HERPUD2: variants seen among roughly 807,000 people sequenced by gnomAD.
The protein encoded by HERPUD2 is HERPUD family member 2.
Under a neutral mutation model 49.9 loss-of-function variants are expected in HERPUD2, and 13 were observed. The observed-to-expected ratio is 0.26, with a 90% CI of 0.17 to 0.41. HERPUD2 has a LOEUF of 0.41. Among genes scored for constraint, HERPUD2 ranks in the 10% least tolerant of loss-of-function variants. The pLI is 1.00. For synonymous variants in HERPUD2, 172 were observed against 171.4 expected (o/e 1.00, Z -0.03); for missense variants, 449 against 492.2 (o/e 0.91, Z 0.83).
chr7:35,680,224 T>C (rs1014360797), intron 2 of HERPUD2, among the ~76,000 whole-genome samples: 9 of 151,834 alleles, frequency 5.9e-5, no homozygotes, highest in Non-Finnish European at 1.0e-4. Flanking sequence ...CTGGGCAACA[T>C]AGCAAGACTC....
At chr7:35,692,649 T>G (rs1450411367) in intron 2 of HERPUD2, among the ~76,000 whole-genome samples, 1 of 152,238 alleles carries the variant, frequency 6.6e-6, no homozygotes, top group African/African-American at 2.4e-5. Flanking sequence ...AGGGTTTTTT[T>G]TCCCTCCTAC....
At chr7:35,638,698 A>C (rs1784914502) in intron 5 of HERPUD2, among the ~76,000 whole-genome samples, 1 of 152,242 alleles carries the variant, frequency 6.6e-6, no homozygotes, top group Non-Finnish European at 1.5e-5. Flanking sequence ...CCAGTTTTAA[A>C]GGGAAAACAA....
At chr7:35,672,207 G>A (rs1482881335) in intron 3 of HERPUD2, among the ~76,000 whole-genome samples, 1 of 150,542 alleles carries the variant, frequency 6.6e-6, no homozygotes, top group East Asian at 1.9e-4. Context: ...GAATGTAAGA[G>A]AAATTGCTGT....
chr7:35,672,201 G>T (rs1211849167), intron 3 of HERPUD2, among the ~76,000 whole-genome samples: 1 of 151,320 alleles, frequency 6.6e-6, no homozygotes, highest in Non-Finnish European at 1.5e-5. Flanking sequence ...GTCAGAGAAT[G>T]TAAGAGAAAT....
intron 2 of HERPUD2, among the ~76,000 whole-genome samples, chr7:35,687,983 T>C (rs1243370342): frequency 6.6e-6 from 1 of 152,176 alleles, no homozygotes; most frequent in Non-Finnish European, 1.5e-5. Flanking sequence ...TTTAAAAATA[T>C]TAATTAAAAA....
In HERPUD2 at chr7:35,694,237, A is replaced by G; in HGVS notation, c.94T>C (p.Trp32Arg). 2 of 1,614,130 alleles carry G rather than the reference A, an allele frequency of 1.2e-6. No individual in the cohort carries two copies. The highest frequency in any genetic ancestry group is 1.7e-6 in the Non-Finnish European group (2 of 1,180,014). Residue 32 changes from tryptophan to arginine, a missense_variant, in exon 2 of 9, where the codon TGG becomes CGG. Coordinates refer to ENST00000311350, the MANE Select transcript of HERPUD2 (RefSeq NM_022373.5). ...TGCGTTTTTAGTTTCCCCACGGTCC[A>G]GTTCAAGAAGCAGCTAATAGTCTGG... The part of the protein sequence containing the change: ...SDQTISCFLN[W>R]TVGKLKTHLS...
At chr7:35,676,435 C>T (rs1785763191) in intron 2 of HERPUD2, among the ~76,000 whole-genome samples, 2 of 152,178 alleles carry the variant, frequency 1.3e-5, no homozygotes, top group South Asian at 4.1e-4. Flanking sequence ...GTGGCTCCTG[C>T]ATCACTTTAA....
chr7:35,635,731 C>T (rs916237736), intron 6 of HERPUD2, among the ~76,000 whole-genome samples: 7 of 152,274 alleles, frequency 4.6e-5, no homozygotes, highest in Admixed American at 3.9e-4. Flanking sequence ...ATGTTAACCA[C>T]TCCTCTCTCT....
chr7:35,650,795 G>C (rs1457785538), intron 5 of HERPUD2, among the ~76,000 whole-genome samples: 1 of 152,106 alleles, frequency 6.6e-6, no homozygotes, highest in Non-Finnish European at 1.5e-5. Flanking sequence ...AGCCCTCCCA[G>C]TAACAGGCTG....
intron 2 of HERPUD2, among the ~76,000 whole-genome samples, chr7:35,674,602 G>C (rs927251935): frequency 6.6e-6 from 1 of 151,724 alleles, no homozygotes; most frequent in Non-Finnish European, 1.5e-5. Context: ...GTGGCTGGGG[G>C]ACCCTACAAT....
At chr7:35,650,609 G>T (rs922770083) in intron 5 of HERPUD2, among the ~76,000 whole-genome samples, 14 of 152,112 alleles carry the variant, frequency 9.2e-5, no homozygotes, top group Non-Finnish European at 2.1e-4. Flanking sequence ...GTGCATGAGG[G>T]ATAACTGATG....
rs150300746 is a variant in HERPUD2, at chr7:35,665,978, G to A, written c.494+1456C>T. 2.8e-3 allele frequency among the ~76,000 whole-genome samples: 421 copies of A among 152,288 alleles called. 1 individual carries two copies. Among genetic ancestry groups the A allele is most frequent in the African/African-American group, 9.9e-3 (410 of 41,556 alleles). ...TTATCCAGAGATAACCACTATTAAT[G>A]TGGCACTATATATTTTTCCAGGCTT... On this transcript the variant is annotated intron_variant, in intron 5 of 8. Coordinates refer to ENST00000311350, the MANE Select transcript of HERPUD2 (RefSeq NM_022373.5).
chr7:35,648,036 C>A (rs1291499830), intron 5 of HERPUD2, among the ~76,000 whole-genome samples: 3 of 152,110 alleles, frequency 2.0e-5, no homozygotes, highest in Admixed American at 6.5e-5. Context: ...CAGATTAAAA[C>A]AAGGACATTC....
Position 35,670,202 on chromosome 7 carries a change from C to T in HERPUD2, c.339+13G>A, listed in dbSNP as rs914654094. 7.1e-7 allele frequency: 1 copy of T among 1,399,574 alleles called. No homozygotes were observed. 86.7% of individuals were successfully genotyped at this position (1,399,574 alleles called of 1,614,324 possible). On this transcript the variant is annotated intron_variant, in intron 4 of 8. Transcript: ENST00000311350. ...AGAAAAGTTCAATGTTTACTCCTCC[C>T]AAAACAACTCACAGAATTGCTGCTG...
intron 2 of HERPUD2, among the ~76,000 whole-genome samples, chr7:35,689,457 A>G (rs2116052932): frequency 6.6e-6 from 1 of 152,312 alleles, no homozygotes; most frequent in Non-Finnish European, 1.5e-5. Context: ...AAACAAGTAG[A>G]CTTTTTAAAA....
intron 3 of HERPUD2, among the ~76,000 whole-genome samples, chr7:35,671,214 G>C (rs187130963): frequency 6.6e-6 from 1 of 151,994 alleles, no homozygotes; most frequent in East Asian, 1.9e-4. Flanking sequence ...TCCAAGAAAG[G>C]GTACAACAGG....
chr7:35,637,048 G>A (rs1450496752), intron 6 of HERPUD2, among the ~76,000 whole-genome samples: 11 of 151,992 alleles, frequency 7.2e-5, no homozygotes, highest in Non-Finnish European at 1.3e-4. Context: ...CACAAGAATC[G>A]CTTGAACCCG....
intron 5 of HERPUD2, among the ~76,000 whole-genome samples, chr7:35,646,564 T>TA (rs1785057458): frequency 6.6e-6 from 1 of 152,024 alleles, no homozygotes; most frequent in Non-Finnish European, 1.5e-5. Context: ...TCCATCTATT[T>TA]AAAAAAAGAA....
At chr7:35,638,324 T>TA (rs1310120007) in intron 6 of HERPUD2, 26 bp downstream of exon 6, 1 of 1,561,702 alleles carries the variant, frequency 6.4e-7, no homozygotes, top group South Asian at 1.2e-5. Context: ...CTGAGTAACT[T>TA]AAAAAATGAA....
Sources: allele counts gnomAD v4.1 joint callset (sites outside exome capture counted in the v4.1 genomes callset), GRCh38; gene constraint gnomAD v4.1.1; transcripts MANE v1.5; gene names NCBI Gene and HGNC (gene_info 2026-07-23, HGNC 2026-07-21).